Variants in BBX observed in about 807,000 individuals in gnomAD.
The protein encoded by BBX is BBX high mobility group box domain containing, also known as HMG box transcription factor BBX.
Under a neutral mutation model 100.2 loss-of-function variants are expected in BBX, and 30 were observed. The observed-to-expected ratio is 0.30, with a 90% CI of 0.22 to 0.41. BBX has a LOEUF of 0.41. Ranked by LOEUF, BBX falls within the 10% of genes least tolerant of loss-of-function variation. BBX has a pLI of 1.00. For missense variants in BBX, 1,023 were observed against 1,129.8 expected (o/e 0.91, Z 1.35); for synonymous variants, 376 against 388.1 (o/e 0.97, Z 0.37).
At chr3:107,750,699 A>C (rs2065015724) in intron 9 of BBX, among the ~76,000 whole-genome samples, 1 of 152,218 alleles carries the variant, frequency 6.6e-6, no homozygotes, top group South Asian at 2.1e-4. Flanking sequence ...GTTTTATTTA[A>C]GGCTAAATAA....
intron 3 of BBX, among the ~76,000 whole-genome samples, chr3:107,691,583 G>A (rs149435934): frequency 1.3e-5 from 2 of 152,182 alleles, no homozygotes; most frequent in East Asian, 1.9e-4. Flanking sequence ...TAAAACAAAC[G>A]GTTTTCTGCT....
At chr3:107,736,556 T>C (rs907820258) in intron 7 of BBX, among the ~76,000 whole-genome samples, 1 of 152,076 alleles carries the variant, frequency 6.6e-6, no homozygotes, top group Non-Finnish European at 1.5e-5. Context: ...CACAGAGTTA[T>C]CTAAAAATGA....
chr3:107,730,919 A>G (rs1038580897), intron 6 of BBX, among the ~76,000 whole-genome samples: 46 of 152,214 alleles, frequency 3.0e-4, no homozygotes, highest in Non-Finnish European at 8.8e-5. Flanking sequence ...AGGAGATAAT[A>G]GAGGGCCTCT....
chr3:107,804,777 A>G (rs1018810132), intron 17 of BBX, among the ~76,000 whole-genome samples: 12 of 150,662 alleles, frequency 8.0e-5, no homozygotes, highest in African/African-American at 2.9e-4. Flanking sequence ...GTCCATGTGC[A>G]TGTGAGTTCA....
intron 2 of BBX, among the ~76,000 whole-genome samples, chr3:107,530,841 A>T (rs2048114001): frequency 6.6e-6 from 1 of 152,258 alleles, no homozygotes; most frequent in African/African-American, 2.4e-5. Context: ...ACTAATCTTT[A>T]TAAATCCAAT....
intron 2 of BBX, among the ~76,000 whole-genome samples, chr3:107,640,843 G>A (rs1426435783): frequency 1.3e-5 from 2 of 151,966 alleles, no homozygotes; most frequent in Non-Finnish European, 2.9e-5. Flanking sequence ...TGTATTTTTA[G>A]TAGAGACAAG....
chr3:107,586,018 T>A (rs1388734803), intron 2 of BBX, among the ~76,000 whole-genome samples: 1 of 152,180 alleles, frequency 6.6e-6, no homozygotes, highest in East Asian at 1.9e-4. Flanking sequence ...ATATGTTTTC[T>A]GATGTTCTTT....
At chr3:107,565,620 C>A (rs2050837620) in intron 2 of BBX, among the ~76,000 whole-genome samples, 1 of 151,662 alleles carries the variant, frequency 6.6e-6, no homozygotes, top group African/African-American at 2.4e-5. Context: ...CAGATGCCCA[C>A]CACCATGCCC....
chr3:107,773,326 G>C lies in BBX; in HGVS notation c.1605G>C (p.Glu535Asp), dbSNP rs149441589. 6.2e-7 allele frequency: 1 copy of C among 1,614,098 alleles called. No individual in the cohort carries two copies. Among genetic ancestry groups the C allele is most frequent in the East Asian group, 2.2e-5 (1 of 44,870 alleles). ...CAAAGAAAAAAGTGAAATCAAGAGA[G>C]AAGAAAATGTCAAAGGAGAAATCCT... is the stretch of plus-strand genomic sequence containing the variant. ...KPPKKKVKSR[E>D]KKMSKEKSSD... The change falls in exon 11 of 18, where the codon GAG (glutamate) becomes GAC (aspartate). Residue 535 changes from glutamate to aspartate, a missense_variant. Glu to Asp is a conservative substitution (Grantham distance 45). Transcript: ENST00000325805. This position sits in a 1 kb window ranked among gnomAD's most constrained non-coding sequence, Gnocchi z 4.1.
intron 2 of BBX, among the ~76,000 whole-genome samples, chr3:107,552,490 G>A (rs1473566626): frequency 6.6e-6 from 1 of 151,864 alleles, no homozygotes; most frequent in African/African-American, 2.4e-5. Flanking sequence ...CCTAGGCATG[G>A]TATTAAGGCC....
chr3:107,762,580 T>G (rs2107713088), intron 10 of BBX, among the ~76,000 whole-genome samples: 1 of 152,354 alleles, frequency 6.6e-6, no homozygotes, highest in East Asian at 1.9e-4. Context: ...AGGTTATGTC[T>G]ACATTGTTTT....
intron 3 of BBX, among the ~76,000 whole-genome samples, chr3:107,707,312 C>G (rs1576437288): frequency 6.6e-6 from 1 of 152,290 alleles, no homozygotes; most frequent in East Asian, 1.9e-4. Context: ...CCCTTTGTTT[C>G]CCACTTAGAA....
intron 5 of BBX, among the ~76,000 whole-genome samples, chr3:107,725,911 G>A (rs1337459512): frequency 2.0e-5 from 3 of 152,026 alleles, no homozygotes; most frequent in African/African-American, 7.2e-5. Flanking sequence ...TAACAAAAAT[G>A]TTGTTATCTG....
At chr3:107,595,801 C>T (rs569064970) in intron 2 of BBX, among the ~76,000 whole-genome samples, 1 of 152,286 alleles carries the variant, frequency 6.6e-6, no homozygotes, top group African/African-American at 2.4e-5. Flanking sequence ...TCTTGAACAA[C>T]ACGGGGTTTA....
intron 7 of BBX, among the ~76,000 whole-genome samples, chr3:107,740,784 A>G (rs754366622): frequency 1.3e-5 from 2 of 151,696 alleles, no homozygotes; most frequent in Non-Finnish European, 2.9e-5. Context: ...CTTAGATGTT[A>G]TCTATCTTCC....
At chr3:107,557,837 A>C (rs1274167776) in intron 2 of BBX, among the ~76,000 whole-genome samples, 1 of 152,236 alleles carries the variant, frequency 6.6e-6, no homozygotes. Context: ...TAAAGGAGAC[A>C]CAAAGTTGGC....
At chr3:107,683,059 T>C (rs2059652734) in intron 3 of BBX, among the ~76,000 whole-genome samples, 1 of 152,152 alleles carries the variant, frequency 6.6e-6, no homozygotes, top group South Asian at 2.1e-4. Flanking sequence ...CATATACCAC[T>C]CCATATCTGT....
intron 5 of BBX, among the ~76,000 whole-genome samples, chr3:107,725,363 A>G: frequency 6.6e-6 from 1 of 152,126 alleles, no homozygotes; most frequent in Non-Finnish European, 1.5e-5. Context: ...AATAGGGACA[A>G]TTTGACTTCC....
At chr3:107,793,367 T>C (rs2069255497) in intron 15 of BBX, among the ~76,000 whole-genome samples, 1 of 152,194 alleles carries the variant, frequency 6.6e-6, no homozygotes, top group South Asian at 2.1e-4. Flanking sequence ...GAATATGCAC[T>C]GAAAAATGCA....
Sources: gnomAD v4.1 joint callset for allele counts (sites outside exome capture counted in the v4.1 genomes callset) on GRCh38, gnomAD v4.1.1 for gene constraint, Gnocchi (gnomAD v3.1) non-coding constraint, MANE v1.5 for transcripts, NCBI Gene and HGNC (gene_info 2026-07-23, HGNC 2026-07-21) for gene names.